RSRP1: variants seen among roughly 807,000 people sequenced by gnomAD.
The protein encoded by RSRP1 is arginine and serine rich protein 1.
A neutral mutation model predicts 33.0 loss-of-function variants in RSRP1; 37 were observed. That is an observed-to-expected ratio of 1.12 (90% CI 0.86 to 1.48). The LOEUF (loss-of-function observed/expected upper bound fraction) is 1.48, where lower values mean the gene tolerates loss of function less well. Among genes scored for constraint, RSRP1 ranks in the 40% most tolerant of loss-of-function variants. The probability of loss-of-function intolerance (pLI) is 0.00; values close to 1 mark genes in which losing one functional copy is unlikely to be tolerated. For missense variants in RSRP1, 402 were observed against 385.3 expected (o/e 1.04, Z -0.36); for synonymous variants, 167 against 158.7 (o/e 1.05, Z -0.40).
intron 1 of RSRP1, among the ~76,000 whole-genome samples, chr1:25,321,585 G>A (rs1447448326): frequency 1.6e-5 from 2 of 125,294 alleles, no homozygotes; most frequent in African/African-American, 5.4e-5. Context: ...CAGGATAATC[G>A]CTTGAACCTG....
intron 3 of RSRP1, chr1:25,244,785 A>G (rs1571509019): frequency 2.0e-6 from 2 of 994,796 alleles, no homozygotes; most frequent in East Asian, 1.2e-4. Flanking sequence ...CCTAGGCTCA[A>G]AGATCCTCCT....
chr1:25,245,130 G>A lies in RSRP1; in HGVS notation c.672+20C>T, dbSNP rs746477492. ...GTTGGCTTTCTGAAAGTTTTGTTCC[G>A]ACAAACCTAGAATACTTACTTCAGG... On this transcript the variant is annotated intron_variant, in intron 3 of 4. Coordinates refer to ENST00000243189, the MANE Select transcript of RSRP1 (RefSeq NM_020317.5). The A allele has an allele frequency of 2.2e-5, 36 of 1,613,886 alleles. No individual in the cohort carries two copies. Among genetic ancestry groups the A allele is most frequent in the Admixed American group, 8.3e-5 (5 of 59,976 alleles).
At chr1:25,338,249 T>A (rs1645119136), upstream of RSRP1, 1 of 152,206 alleles carries the variant, frequency 6.6e-6, no homozygotes, top group Admixed American at 6.5e-5. Flanking sequence ...GCAGACGCGT[T>A]GTTGTGGTGG....
At chr1:25,249,889 A>G (rs1307677825), upstream of RSRP1, among the ~76,000 whole-genome samples, 2 of 152,204 alleles carry the variant, frequency 1.3e-5, no homozygotes, top group Non-Finnish European at 2.9e-5. Flanking sequence ...AGGCAGAAAT[A>G]ACATCTTTAC....
intron 1 of RSRP1, among the ~76,000 whole-genome samples, chr1:25,305,963 C>A (rs1643794302): frequency 7.6e-6 from 1 of 132,082 alleles, no homozygotes; most frequent in Non-Finnish European, 1.8e-5. Context: ...ATTGAATTTG[C>A]ATATGTGTCC....
At chr1:25,332,154 T>C (rs541684049) in intron 1 of RSRP1, among the ~76,000 whole-genome samples, 1 of 126,030 alleles carries the variant, frequency 7.9e-6, no homozygotes, top group African/African-American at 2.7e-5. Context: ...CTCCCACCTC[T>C]GCCTCCCGTG....
chr1:25,259,592 T>A (rs1348101266), intron 1 of RSRP1, among the ~76,000 whole-genome samples: 1 of 152,024 alleles, frequency 6.6e-6, no homozygotes, highest in African/African-American at 2.4e-5. Flanking sequence ...AACCTCCGCC[T>A]CCCAGGTTCA....
intron 1 of RSRP1, among the ~76,000 whole-genome samples, chr1:25,279,209 C>T (rs1641269521): frequency 8.0e-6 from 1 of 125,782 alleles, no homozygotes; most frequent in Admixed American, 7.8e-5. Context: ...AAAGTCACAC[C>T]GCTAATCAGC....
chr1:25,303,442 G>A lies in RSRP1; in HGVS notation c.-67+34536C>T, dbSNP rs1355698683. On this transcript the variant is annotated intron_variant, in intron 1 of 1. Coordinates refer to the RSRP1 transcript ENST00000561867. ...TGTGGCTGGGCTGATCTCCGTCGGG[G>A]GAGCCAAGTACCTGCCGGTAAGAAA... is the stretch of plus-strand genomic sequence containing the variant. 10 of 1,379,058 alleles carry A rather than the reference G, an allele frequency of 7.3e-6. 3 individuals are homozygous for A. The highest frequency in any genetic ancestry group is 1.0e-5 in the Non-Finnish European group (10 of 978,810). 85.4% of individuals were successfully genotyped at this position (1,379,058 alleles called of 1,614,324 possible).
At chr1:25,318,548 A>T (rs1644531757) in intron 1 of RSRP1, among the ~76,000 whole-genome samples, 1 of 131,844 alleles carries the variant, frequency 7.6e-6, no homozygotes, top group South Asian at 2.3e-4. Context: ...AGGTTGCACC[A>T]CTGCCCTCCA....
intron 1 of RSRP1, among the ~76,000 whole-genome samples, chr1:25,317,811 G>A (rs1032779705): frequency 1.2e-5 from 1 of 81,898 alleles, no homozygotes; most frequent in East Asian, 2.4e-4. Context: ...TGTGTTGAGG[G>A]AACAGTAAGG....
At chr1:25,246,370 A>G in intron 2 of RSRP1, 74 bp downstream of exon 2, 1 of 1,553,162 alleles carries the variant, frequency 6.4e-7, no homozygotes. Flanking sequence ...CTACACAGCA[A>G]CGTTGGTTCC....
At chr1:25,248,556 C>A (rs1209612894), upstream of RSRP1, among the ~76,000 whole-genome samples, 2 of 152,082 alleles carry the variant, frequency 1.3e-5, no homozygotes, top group Non-Finnish European at 2.9e-5. Context: ...GCGATTCTTC[C>A]GCCTCAGCCT....
At chr1:25,300,864 C>G in intron 1 of RSRP1, 1 of 1,317,214 alleles carries the variant, frequency 7.6e-7, no homozygotes, top group Non-Finnish European at 1.1e-6. Context: ...AAGTGAAGCT[C>G]TGAACTTTCT....
At chr1:25,246,349 T>A (rs888319811) in intron 2 of RSRP1, 95 bp downstream of exon 2, 6 of 1,523,588 alleles carry the variant, frequency 3.9e-6, no homozygotes, top group Non-Finnish European at 5.3e-6. Flanking sequence ...CTAAAGGAAC[T>A]AATATTGAAA....
In RSRP1 at chr1:25,331,487, A is replaced by G. The variant is rs1248760032; in HGVS notation, c.-67+6491T>C. ...AGATAATTTCGTGATTACTGTCCTTATGCATAAACGTCCTCAGTGTTCCAC... is the reference window on the plus strand; with the variant it reads ...AGATAATTTCGTGATTACTGTCCTTGTGCATAAACGTCCTCAGTGTTCCAC... On this transcript the variant is annotated intron_variant, in intron 1 of 1. Transcript: ENST00000561867. Among the ~76,000 whole-genome samples, 2 of 131,292 alleles carry G rather than the reference A, an allele frequency of 1.5e-5. 1 individual carries two copies. The highest frequency in any genetic ancestry group is 5.2e-5 in the African/African-American group (2 of 38,512). 86.1% of individuals were successfully genotyped at this position (131,292 alleles called of 152,430 possible). A position where few individuals can be genotyped will look rare whatever the true frequency, so the allele number is the denominator to read the frequency against.
intron 1 of RSRP1, among the ~76,000 whole-genome samples, chr1:25,279,431 A>G (rs1454292384): frequency 8.8e-6 from 1 of 114,210 alleles, no homozygotes; most frequent in African/African-American, 3.0e-5. Flanking sequence ...ACTGTTCATC[A>G]CCGTTACGCT....
chr1:25,245,176 C>CACCT lies in RSRP1; in HGVS notation c.642_645dup (p.Val216ArgfsTer5), dbSNP rs747612552. 1 of 1,614,176 alleles carries CACCT rather than the reference C, an allele frequency of 6.2e-7. No homozygotes were observed. Among genetic ancestry groups the CACCT allele is most frequent in the East Asian group, 2.2e-5 (1 of 44,884 alleles). On this transcript the variant is annotated frameshift_variant, in exon 3 of 5. Coordinates refer to ENST00000243189, the MANE Select transcript of RSRP1 (RefSeq NM_020317.5). LOFTEE classifies it high-confidence loss of function. Reference sequence around the variant, plus strand: ...TCAGGCTTTGCACCATTACTTGATACACCTATTCCACGGCTTGTTTCTTTG... The same window carrying CACCT: ...TCAGGCTTTGCACCATTACTTGATACACCTACCTATTCCACGGCTTGTTTCTTTG...
At chr1:25,329,181 C>G (rs1644928925) in intron 1 of RSRP1, 1 of 821,696 alleles carries the variant, frequency 1.2e-6, no homozygotes, top group Admixed American at 2.2e-5. Context: ...AAACAACAGA[C>G]TGCATATATG....
Sources: gnomAD v4.1 joint callset for allele counts (sites outside exome capture counted in the v4.1 genomes callset) on GRCh38, gnomAD v4.1.1 for gene constraint, MANE v1.5 for transcripts, NCBI Gene and HGNC (gene_info 2026-07-23, HGNC 2026-07-21) for gene names.